The following MRPL19 variants were observed in gnomAD, a reference collection of about 807,000 sequenced individuals.
MRPL19 encodes large ribosomal subunit protein bL19m.
MRPL19 carries 31 observed loss-of-function variants against 34.0 expected under a neutral mutation model. The observed-to-expected ratio is 0.91, with a 90% CI of 0.68 to 1.23. MRPL19 has a LOEUF of 1.23. Among genes scored for constraint, MRPL19 ranks in the 50% most tolerant of loss-of-function variants. The pLI is 0.00. For missense variants in MRPL19, 384 were observed against 367.6 expected (o/e 1.04, Z -0.37); for synonymous variants, 152 against 127.7 (o/e 1.19, Z -1.28).
At chr2:75,647,587 T>G in intron 2 of MRPL19, 6 of 172,314 alleles carry the variant, frequency 3.5e-5, no homozygotes, top group Non-Finnish European at 7.4e-5. Flanking sequence ...AGGAATCGAT[T>G]GGCCAACTTA....
chr2:75,647,202 C>A lies in MRPL19; in HGVS notation c.204C>A (p.Pro68=), dbSNP rs747979715. The A allele has an allele frequency of 6.3e-7, 1 of 1,580,356 alleles. No homozygotes were observed. Among genetic ancestry groups the A allele is most frequent in the Non-Finnish European group, 8.6e-7 (1 of 1,162,834 alleles). ...CGGTCATCGTGGACAAGCACCGCCC[C>A]GTGGAACCGGAACGCAGGTGAGGCA... ...PKPVIVDKHR[P]VEPERRFLSP... Residue 68 remains proline (P), a synonymous_variant, in exon 2 of 6, where the codon CCC becomes CCA. Coordinates refer to ENST00000393909, the MANE Select transcript of MRPL19 (RefSeq NM_014763.4).
At chr2:75,653,426 A>G (rs1678372722) in intron 4 of MRPL19, among the ~76,000 whole-genome samples, 1 of 152,234 alleles carries the variant, frequency 6.6e-6, no homozygotes. Context: ...GGAGTGAGTC[A>G]TTTGATTTTC....
At position 75,660,158 on chromosome 2, in the gene MRPL19, TCA is replaced by T. The variant is rs1678574038; in HGVS notation, c.*4874_*4875del. 6.6e-6 allele frequency among the ~76,000 whole-genome samples: 1 copy of T among 152,166 alleles called. No homozygotes were observed. Among genetic ancestry groups the T allele is most frequent in the Non-Finnish European group, 1.5e-5 (1 of 68,012 alleles). On this transcript the variant is annotated 3_prime_UTR_variant, in exon 6 of 6. Coordinates refer to ENST00000393909, the MANE Select transcript of MRPL19 (RefSeq NM_014763.4). ...GTTGAACTCCTCTAGTGAATTTATT[TCA>T]GTTACTGTACTTTTCAGCTCCAAGA...
chr2:75,656,717 G>A lies in MRPL19; in HGVS notation c.*1432G>A, dbSNP rs895498026. 4.6e-5 allele frequency: 7 copies of A among 152,090 alleles called. No individual in the cohort carries two copies. Among genetic ancestry groups the A allele is most frequent in the African/African-American group, 1.7e-4 (7 of 41,398 alleles). 9.4% of individuals were successfully genotyped at this position (152,090 alleles called of 1,614,324 possible). A position where few individuals can be genotyped will look rare whatever the true frequency, so the allele number is the denominator to read the frequency against. The stretch of plus-strand genomic sequence containing the variant: ...ATTTCCCCATCATAAATTTCATGAT[G>A]ATGTGTCTTGGTGTGGGTCTATATT... On this transcript the variant is annotated 3_prime_UTR_variant, in exon 6 of 6. Transcript: ENST00000393909.
At chr2:75,652,804 T>A in intron 4 of MRPL19, 147 bp downstream of exon 4, 1 of 836,516 alleles carries the variant, frequency 1.2e-6, no homozygotes, top group Non-Finnish European at 1.8e-6. Context: ...TTAGAATGGA[T>A]TGAGATTTGA....
chr2:75,654,738 G>T lies in MRPL19; in HGVS notation c.478G>T (p.Val160Phe). Residue 160 changes from valine to phenylalanine, a missense_variant and splice_region_variant, in exon 5 of 6, where the codon GTC becomes TTC. Physicochemically the swap from Val to Phe is conservative, Grantham distance 50. Coordinates refer to ENST00000393909, the MANE Select transcript of MRPL19 (RefSeq NM_014763.4). ...AATATGTTTTCTGTTCTATTTAGGT[G>T]TCGAGATTTGCTTTGAACTTTATAA... ...ILRNVIEGQG[V>F]EICFELYNPR... 1 of 1,613,378 alleles carries T rather than the reference G, an allele frequency of 6.2e-7. No individual in the cohort carries two copies. Among genetic ancestry groups the T allele is most frequent in the Non-Finnish European group, 8.5e-7 (1 of 1,179,610 alleles).
chr2:75,654,675 T>C, intron 4 of MRPL19, 61 bp from the exon 5 acceptor site: 1 of 1,483,730 alleles, frequency 6.7e-7, no homozygotes, highest in Non-Finnish European at 9.2e-7. Context: ...TTTACTGCAG[T>C]ATGAAACATG....
chr2:75,652,451 G>A, intron 3 of MRPL19, 72 bp from the exon 4 acceptor site: 1 of 1,531,390 alleles, frequency 6.5e-7, no homozygotes. Flanking sequence ...GTTTGTTTCT[G>A]CATCTTATAT....
intron 2 of MRPL19, chr2:75,647,502 C>G (rs1169846605): frequency 5.0e-6 from 2 of 396,750 alleles, no homozygotes; most frequent in Non-Finnish European, 9.1e-6. Flanking sequence ...GAGTTTTTCT[C>G]TGAGGTATAT....
rs1458488322 is a variant in MRPL19, at chr2:75,658,535, G to A, written c.*3250G>A. Among the ~76,000 whole-genome samples the A allele has an allele frequency of 6.6e-6, 1 of 152,130 alleles. No homozygotes were observed. Among genetic ancestry groups the A allele is most frequent in the East Asian group, 1.9e-4 (1 of 5,198 alleles). On this transcript the variant is annotated 3_prime_UTR_variant, in exon 6 of 6. Transcript: ENST00000393909. ...GTATACATCTTGAGTAGAATTGCTA[G>A]ATAATGTCATGTTTTATTTCTCTTG... is the stretch of plus-strand genomic sequence containing the variant.
Position 75,660,142 on chromosome 2 carries a change from C to G in MRPL19, c.*4857C>G, listed in dbSNP as rs567265769. ...CCTGTTCAGATCAACTGTTGAACTC[C>G]TCTAGTGAATTTATTTCAGTTACTG... On this transcript the variant is annotated 3_prime_UTR_variant, in exon 6 of 6. Transcript: ENST00000393909. Among the ~76,000 whole-genome samples the G allele has an allele frequency of 1.3e-5, 2 of 151,862 alleles. No homozygotes were observed. The highest frequency in any genetic ancestry group is 3.9e-4 in the East Asian group (2 of 5,186).
At chr2:75,654,597 T>TA (rs1223780456) in intron 4 of MRPL19, 139 bp from the exon 5 acceptor site, 2 of 681,768 alleles carry the variant, frequency 2.9e-6, no homozygotes, top group Admixed American at 6.6e-5. Context: ...ATCTTTATCT[T>TA]AAAAATTTCA....
intron 3 of MRPL19, 34 bp downstream of exon 3, chr2:75,652,294 A>G (rs957401868): frequency 1.4e-6 from 2 of 1,419,288 alleles, no homozygotes; most frequent in African/African-American, 2.9e-5. Context: ...ATTATTAGTA[A>G]TTAGGATGGC....
chr2:75,652,974 A>C (rs1678363415), intron 4 of MRPL19, among the ~76,000 whole-genome samples: 1 of 152,238 alleles, frequency 6.6e-6, no homozygotes, highest in South Asian at 2.1e-4. Flanking sequence ...TTAGGAGCAA[A>C]TAACCCATGA....
intron 4 of MRPL19, 55 bp from the exon 5 acceptor site, chr2:75,654,681 A>G: frequency 2.0e-6 from 3 of 1,520,244 alleles, no homozygotes; most frequent in Non-Finnish European, 2.7e-6. Context: ...GCAGTATGAA[A>G]CATGTATAGG....
At chr2:75,647,351 G>A in intron 2 of MRPL19, 132 bp downstream of exon 2, 1 of 781,630 alleles carries the variant, frequency 1.3e-6, no homozygotes, top group Non-Finnish European at 2.0e-6. Context: ...GGATTCAAGA[G>A]CCAGCGCACC....
chr2:75,647,338 G>T, intron 2 of MRPL19, 119 bp downstream of exon 2: 1 of 929,330 alleles, frequency 1.1e-6, no homozygotes, highest in Non-Finnish European at 1.6e-6. Context: ...GAGCAGGTGT[G>T]TAGGATTCAA....
intron 2 of MRPL19, among the ~76,000 whole-genome samples, chr2:75,649,353 C>G (rs978212244): frequency 2.6e-5 from 4 of 152,048 alleles, no homozygotes; most frequent in African/African-American, 9.7e-5. Context: ...CCCAGGACAG[C>G]TTTAAATGTG....
Position 75,658,203 on chromosome 2 carries a change from T to C in MRPL19, c.*2918T>C, listed in dbSNP as rs1025187651. 2.6e-5 allele frequency among the ~76,000 whole-genome samples: 4 copies of C among 152,106 alleles called. No homozygotes were observed. The highest frequency in any genetic ancestry group is 9.7e-5 in the African/African-American group (4 of 41,438). On this transcript the variant is annotated 3_prime_UTR_variant, in exon 6 of 6. Coordinates refer to ENST00000393909, the MANE Select transcript of MRPL19 (RefSeq NM_014763.4). ...AATCCTCCTTGAGTAGCTAAGACTA[T>C]AGGCACACATTAACTGCGCCTGGCT... is the stretch of plus-strand genomic sequence containing the variant.
Sources: gnomAD v4.1 joint callset for allele counts (sites outside exome capture counted in the v4.1 genomes callset) on GRCh38, gnomAD v4.1.1 for gene constraint, MANE v1.5 for transcripts, NCBI Gene and HGNC (gene_info 2026-07-23, HGNC 2026-07-21) for gene names.